ZC3H7B: variants seen among roughly 807,000 people sequenced by gnomAD.
ZC3H7B encodes zinc finger CCCH domain-containing protein 7B.
A neutral mutation model predicts 116.0 loss-of-function variants in ZC3H7B; 35 were observed. The observed-to-expected ratio is 0.30, with a 90% confidence interval of 0.23 to 0.40. The LOEUF is 0.40. ZC3H7B is among the 10% of genes least tolerant of loss of function. ZC3H7B has a pLI of 1.00. For missense variants in ZC3H7B, 1,011 were observed against 1,321.5 expected, an observed-to-expected ratio of 0.77 and a Z score of 3.64; for synonymous variants, 502 against 545.6, an observed-to-expected ratio of 0.92 and a Z score of 1.11.
rs185998392 is a variant in ZC3H7B at position 41,349,412 on chromosome 22, G to T, written c.1948+111G>T. ...GGTGACAGGCCAGGGCCCCATGGTC[G>T]CTGGAGGGGGCTTCGGGAGAGTTCA... On this transcript the variant is annotated intron_variant, in intron 16 of 22. Transcript: ENST00000352645. This position sits in a 1 kb window ranked among gnomAD's most constrained non-coding sequence, Gnocchi z 4.9. 11 of 1,403,376 alleles carry T rather than the reference G, an allele frequency of 7.8e-6. No individual in the cohort carries two copies. In the Admixed American group the frequency reaches 1.8e-4, roughly 23 times the overall value. The allele number at this position is 1,403,376 out of a possible 1,614,324, so 86.9% of individuals were successfully genotyped here. A position where few individuals can be genotyped will look rare whatever the true frequency, so the allele number is the denominator to read the frequency against.
intron 1 of ZC3H7B, among the ~76,000 whole-genome samples, chr22:41,309,229 C>G (rs562076233): frequency 1.2e-3 from 182 of 152,060 alleles, no homozygotes; most frequent in Middle Eastern, 0.01. Context: ...CCAGGATGGT[C>G]TCGATCTCCT....
chr22:41,335,558 T>A (rs1004868241), intron 7 of ZC3H7B: 2 of 152,226 alleles, frequency 1.3e-5, no homozygotes, highest in African/African-American at 4.8e-5. Context: ...GATGTTCATC[T>A]GGTACCTCTC....
chr22:41,309,081 G>T (rs1398266731), intron 1 of ZC3H7B, among the ~76,000 whole-genome samples: 1 of 144,408 alleles, frequency 6.9e-6, no homozygotes, highest in African/African-American at 2.6e-5. Flanking sequence ...GCGCGATCTC[G>T]ACTCACTGCA....
chr22:41,314,046 C>T (rs1168589812), intron 1 of ZC3H7B, among the ~76,000 whole-genome samples: 2 of 151,634 alleles, frequency 1.3e-5, no homozygotes, highest in African/African-American at 2.4e-5. Context: ...TCAGCTACCG[C>T]GCCTGTCCGG....
chr22:41,340,148 G>T lies in ZC3H7B; in HGVS notation c.1138+11G>T, dbSNP rs1264498278. 1.3e-6 allele frequency: 2 copies of T among 1,586,322 alleles called. No individual in the cohort carries two copies. Among genetic ancestry groups the T allele is most frequent in the Non-Finnish European group, 1.7e-6 (2 of 1,165,048 alleles). On this transcript the variant is annotated intron_variant, in intron 10 of 22. Coordinates refer to ENST00000352645, the MANE Select transcript of ZC3H7B (RefSeq NM_017590.6). ...CTGACTCCTTCATGGGTAAGGCCAT[G>T]GGTGGGCCCGTTCAACCTCCCTGGA...
rs924824535 is a variant in ZC3H7B, at chr22:41,304,362, A to G, written c.-7+2590A>G. On this transcript the variant is annotated intron_variant, in intron 1 of 22. Transcript: ENST00000352645. ...GCTCAACATATCTGAATTCAAGTGA[A>G]CTCCTGGGCTCAACATATCTACCCA... is the stretch of plus-strand genomic sequence containing the variant. Among the ~76,000 whole-genome samples the G allele has an allele frequency of 4.2e-5, 6 of 143,268 alleles. No individual in the cohort carries two copies. The East Asian group carries it at 1.3e-3, about 31-fold the overall frequency. 94.0% of individuals were successfully genotyped at this position (143,268 alleles called of 152,430 possible).
At chr22:41,326,913 G>A (rs933650586) in intron 4 of ZC3H7B, among the ~76,000 whole-genome samples, 8 of 152,208 alleles carry the variant, frequency 5.3e-5, no homozygotes, top group Non-Finnish European at 7.3e-5. Flanking sequence ...GGAAATAGAC[G>A]TGCTTGAGTG....
chr22:41,315,193 G>T (rs1340643727), intron 1 of ZC3H7B, among the ~76,000 whole-genome samples: 4 of 151,624 alleles, frequency 2.6e-5, no homozygotes, highest in African/African-American at 7.3e-5. Context: ...CACAACTGGG[G>T]ACACCTTCCA....
At chr22:41,314,220 G>A (rs952761949) in intron 1 of ZC3H7B, among the ~76,000 whole-genome samples, 8 of 151,038 alleles carry the variant, frequency 5.3e-5, no homozygotes, top group South Asian at 2.1e-4. Context: ...GCAGTGTTGC[G>A]ATCTCAGCTC....
chr22:41,329,361 C>A (rs1001962902), intron 5 of ZC3H7B, among the ~76,000 whole-genome samples: 1 of 149,748 alleles, frequency 6.7e-6, no homozygotes, highest in East Asian at 2.0e-4. Context: ...TGAGTTCAAG[C>A]GATTCTCCTG....
intron 1 of ZC3H7B, among the ~76,000 whole-genome samples, chr22:41,319,355 C>T (rs538567108): frequency 1.2e-4 from 18 of 151,836 alleles, no homozygotes; most frequent in African/African-American, 3.4e-4. Flanking sequence ...GAGCCAAGAT[C>T]GCGCCACTGC....
At chr22:41,312,107 A>G (rs1005011518) in intron 1 of ZC3H7B, among the ~76,000 whole-genome samples, 6 of 150,766 alleles carry the variant, frequency 4.0e-5, no homozygotes, top group African/African-American at 1.5e-4. Context: ...CAGTGAGCCA[A>G]GTTCGTGCCA....
intron 15 of ZC3H7B, among the ~76,000 whole-genome samples, chr22:41,348,790 G>A (rs1408201193): frequency 6.6e-6 from 1 of 152,204 alleles, no homozygotes; most frequent in Non-Finnish European, 1.5e-5. Context: ...CTGGCCCAGA[G>A]GACATGCTTG....
chr22:41,340,316 G>A (rs2145929491), intron 10 of ZC3H7B, among the ~76,000 whole-genome samples, 179 bp downstream of exon 10: 1 of 152,106 alleles, frequency 6.6e-6, no homozygotes, highest in Middle Eastern at 3.4e-3. Context: ...TGTGGGGCTG[G>A]GCCTGAGGGG....
chr22:41,343,224 C>T (rs1441845320), intron 12 of ZC3H7B, among the ~76,000 whole-genome samples, 191 bp from the exon 13 acceptor site: 1 of 152,088 alleles, frequency 6.6e-6, no homozygotes, highest in Non-Finnish European at 1.5e-5. Flanking sequence ...CGAGGGGCTT[C>T]CCCCAGCACA....
chr22:41,352,407 T>A (rs942858278), intron 17 of ZC3H7B, among the ~76,000 whole-genome samples: 5 of 152,212 alleles, frequency 3.3e-5, no homozygotes, highest in African/African-American at 1.2e-4. Context: ...AAATTAGAGC[T>A]TTCCTCTTTG....
At chr22:41,337,270 G>A (rs1165723182) in intron 7 of ZC3H7B, among the ~76,000 whole-genome samples, 7 of 152,180 alleles carry the variant, frequency 4.6e-5, no homozygotes, top group South Asian at 4.1e-4. Context: ...AGAGGTTGCA[G>A]TGAGCCAAGA....
chr22:41,332,329 C>A, intron 7 of ZC3H7B, 102 bp downstream of exon 7: 1 of 1,376,370 alleles, frequency 7.3e-7, no homozygotes, highest in Non-Finnish European at 1.0e-6. Context: ...GGTCCAGGGG[C>A]CTCCGCCTCC....
In ZC3H7B at chr22:41,338,942, GCCT is replaced by G. The variant is rs2036480161; in HGVS notation, c.626-53_626-51del. On this transcript the variant is annotated intron_variant, in intron 8 of 22. Transcript: ENST00000352645. The surrounding 1 kb of genome is among the most constrained non-coding windows in gnomAD (Gnocchi z 4.5). ...GGATGAGCATCACGGGGCCCGGGAC[GCCT>G]CCTCCACCCTCACCAAGCAGTGCTC... is the stretch of plus-strand genomic sequence containing the variant. 1.4e-6 allele frequency: 2 copies of G among 1,450,848 alleles called. No individual in the cohort carries two copies. Among genetic ancestry groups the G allele is most frequent in the Admixed American group, 2.4e-5 (1 of 41,914 alleles). The allele number at this position is 1,450,848 out of a possible 1,614,324, so 89.9% of individuals were successfully genotyped here.
Sources: gnomAD v4.1 joint callset for allele counts (sites outside exome capture counted in the v4.1 genomes callset) on GRCh38, gnomAD v4.1.1 for gene constraint, Gnocchi (gnomAD v3.1) non-coding constraint, MANE v1.5 for transcripts, NCBI Gene and HGNC (gene_info 2026-07-23, HGNC 2026-07-21) for gene names.